The following MAGI2 variants were observed in gnomAD, a reference collection of about 807,000 sequenced individuals.
MAGI2 encodes the protein membrane-associated guanylate kinase, WW and PDZ domain-containing protein 2.
A neutral mutation model predicts 133.3 loss-of-function variants in MAGI2; 35 were observed. The observed-to-expected ratio is 0.26, with a 90% CI of 0.20 to 0.35. The LOEUF is 0.35. Ranked by LOEUF, MAGI2 falls within the 10% of genes least tolerant of loss-of-function variation. MAGI2 has a pLI of 1.00. For missense variants in MAGI2, 1,636 were observed against 1,863.4 expected, an observed-to-expected ratio of 0.88 and a Z score of 2.25; for synonymous variants, 729 against 710.6, an observed-to-expected ratio of 1.03 and a Z score of -0.41.
chr7:79,271,906 A>T (rs1834909040), intron 1 of MAGI2, among the ~76,000 whole-genome samples: 1 of 152,018 alleles, frequency 6.6e-6, no homozygotes, highest in African/African-American at 2.4e-5. Flanking sequence ...AAGGATTCTG[A>T]TTTAATTAGT....
chr7:78,683,062 C>T (rs996625781), intron 2 of MAGI2, among the ~76,000 whole-genome samples: 7 of 152,052 alleles, frequency 4.6e-5, no homozygotes, highest in African/African-American at 1.7e-4. Flanking sequence ...AAAATATGGA[C>T]AGGCACTACT....
chr7:78,324,124 GACAC>G (rs1402143991), intron 9 of MAGI2, among the ~76,000 whole-genome samples: 1 of 144,244 alleles, frequency 6.9e-6, no homozygotes, highest in African/African-American at 2.6e-5. Context: ...CAAAATAATT[GACAC>G]ACTACACTAC....
At chr7:78,886,612 G>C (rs1323529654) in intron 2 of MAGI2, among the ~76,000 whole-genome samples, 2 of 152,058 alleles carry the variant, frequency 1.3e-5, no homozygotes, top group African/African-American at 4.8e-5. Context: ...GCAACATTTG[G>C]AGTAGAATCA....
intron 6 of MAGI2, among the ~76,000 whole-genome samples, chr7:78,489,469 T>C (rs1042222312): frequency 1.9e-4 from 29 of 152,046 alleles, no homozygotes; most frequent in African/African-American, 7.0e-4. Flanking sequence ...GAGCGACGTA[T>C]TGCAAACAAA....
chr7:78,346,105 T>C (rs1331166250), intron 7 of MAGI2, 62 bp from the exon 8 acceptor site: 20 of 1,575,806 alleles, frequency 1.3e-5, no homozygotes, highest in Non-Finnish European at 1.6e-5. Flanking sequence ...AGACCATATG[T>C]ATGGCTCTAT....
chr7:78,958,294 G>GGATA (rs1308589913), intron 2 of MAGI2, among the ~76,000 whole-genome samples: 1 of 152,044 alleles, frequency 6.6e-6, no homozygotes, highest in East Asian at 1.9e-4. Flanking sequence ...TTACATCCTG[G>GGATA]GATAGGTCTT....
At chr7:78,850,970 T>A (rs943136547) in intron 2 of MAGI2, among the ~76,000 whole-genome samples, 1 of 152,128 alleles carries the variant, frequency 6.6e-6, no homozygotes, top group African/African-American at 2.4e-5. Flanking sequence ...AAAATGAATA[T>A]CACATGACTG....
intron 1 of MAGI2, among the ~76,000 whole-genome samples, chr7:79,430,394 TA>T (rs1172443219): frequency 1.3e-5 from 2 of 152,214 alleles, no homozygotes; most frequent in Non-Finnish European, 2.9e-5. Context: ...CAAATTTACA[TA>T]AAAACTTCAG....
chr7:79,213,343 CACACACAT>C (rs893031549), intron 1 of MAGI2, among the ~76,000 whole-genome samples: 23 of 150,594 alleles, frequency 1.5e-4, no homozygotes, highest in African/African-American at 5.7e-4. Context: ...CACACACACA[CACACACAT>C]ATATTTTTTC....
At chr7:78,794,276 A>T (rs921511126) in intron 2 of MAGI2, among the ~76,000 whole-genome samples, 5 of 152,196 alleles carry the variant, frequency 3.3e-5, no homozygotes, top group African/African-American at 1.2e-4. Flanking sequence ...TGGTAGTTGC[A>T]TTCTAAGAAT....
intron 20 of MAGI2, among the ~76,000 whole-genome samples, chr7:78,083,381 A>AGGGGG (rs201638758): frequency 4.1e-4 from 8 of 19,504 alleles, no homozygotes; most frequent in African/African-American, 1.4e-3. Flanking sequence ...GGAGGGAGGG[A>AGGGGG]GGGGGGGAGA....
chr7:78,287,820 A>G (rs1229221691), intron 9 of MAGI2, among the ~76,000 whole-genome samples: 3 of 152,160 alleles, frequency 2.0e-5, no homozygotes, highest in African/African-American at 7.2e-5. Context: ...TAAGAAGCTA[A>G]CCTACTTTAA....
chr7:79,444,422 T>G (rs1848705859), intron 1 of MAGI2, among the ~76,000 whole-genome samples: 1 of 152,186 alleles, frequency 6.6e-6, no homozygotes, highest in South Asian at 2.1e-4. Context: ...CCCCATCATC[T>G]CAGCCCAAAA....
chr7:78,934,438 A>G (rs1367958875), intron 2 of MAGI2, among the ~76,000 whole-genome samples: 1 of 152,106 alleles, frequency 6.6e-6, no homozygotes, highest in Non-Finnish European at 1.5e-5. Flanking sequence ...TAATGGTGTC[A>G]TATTTTTTAC....
intron 2 of MAGI2, among the ~76,000 whole-genome samples, chr7:78,654,572 T>C (rs1054278071): frequency 6.6e-6 from 1 of 151,376 alleles, no homozygotes; most frequent in African/African-American, 2.4e-5. Context: ...CCAAGTTGAG[T>C]TCTGTGCTTA....
intron 3 of MAGI2, chr7:78,619,048 C>T (rs976482059): frequency 1.5e-5 from 2 of 137,138 alleles, no homozygotes; most frequent in Non-Finnish European, 3.2e-5. Flanking sequence ...CAAATGTTCT[C>T]ATCATGAAGA....
At chr7:78,322,054 C>T (rs568564562) in intron 9 of MAGI2, among the ~76,000 whole-genome samples, 10 of 152,278 alleles carry the variant, frequency 6.6e-5, no homozygotes, top group African/African-American at 2.2e-4. Context: ...ATCAAAACCA[C>T]AATCAGATAC....
chr7:78,964,154 AT>A lies in MAGI2; in HGVS notation c.418+42935del, dbSNP rs562636583. Reference sequence around the variant, plus strand: ...ATCTACGCTCTTTTTTTTTCTTTTAATTTTTTTTCTGTACTGTAATAATACA... The same window carrying A: ...ATCTACGCTCTTTTTTTTTCTTTTAATTTTTTTCTGTACTGTAATAATACA... On this transcript the variant is annotated intron_variant, in intron 2 of 21. Transcript: ENST00000354212. 2.2e-3 allele frequency among the ~76,000 whole-genome samples: 329 copies of A among 150,548 alleles called. 2 individuals carry two copies. Among genetic ancestry groups the A allele is most frequent in the African/African-American group, 7.0e-3 (289 of 41,058 alleles).
At chr7:78,587,852 T>C (rs1803584636) in intron 3 of MAGI2, among the ~76,000 whole-genome samples, 1 of 152,248 alleles carries the variant, frequency 6.6e-6, no homozygotes, top group Admixed American at 6.5e-5. Context: ...TATAATCGTA[T>C]GTTCATAAAG....
Sources: gnomAD v4.1 joint callset for allele counts (sites outside exome capture counted in the v4.1 genomes callset) on GRCh38, gnomAD v4.1.1 for gene constraint, MANE v1.5 for transcripts, NCBI Gene and HGNC (gene_info 2026-07-23, HGNC 2026-07-21) for gene names.